Variants in ESR2 observed in about 807,000 individuals in gnomAD.
ESR2 encodes estrogen receptor 2.
ESR2 carries 36 observed loss-of-function variants against 49.6 expected under a neutral mutation model. The ratio of observed to expected loss-of-function variants is 0.73; its 90% CI spans 0.56 to 0.96. ESR2 has a LOEUF of 0.96. ESR2 is among the 40% of genes least tolerant of loss of function. The pLI, the probability that ESR2 is intolerant of heterozygous loss-of-function variation, is 0.00. For missense variants in ESR2, 714 were observed against 693.0 expected (o/e 1.03, Z -0.34); for synonymous variants, 320 against 266.1 (o/e 1.20, Z -1.97).
Position 64,230,551 on chromosome 14 carries a change from G to A in ESR2, c.*2586C>T, listed in dbSNP as rs1251113705. 3.3e-5 allele frequency among the ~76,000 whole-genome samples: 5 copies of A among 152,040 alleles called. No homozygotes were observed. The highest frequency in any genetic ancestry group is 3.3e-4 in the Admixed American group (5 of 15,262). ...TTTGCACTATTTTTAATGCAGTTGA[G>A]TCTTCAGATTTGTGACTAGGCTGAC... On this transcript the variant is annotated 3_prime_UTR_variant, in exon 9 of 9. Transcript: ENST00000341099.
chr14:64,267,008 G>A (rs1467226063), intron 4 of ESR2, among the ~76,000 whole-genome samples: 3 of 152,144 alleles, frequency 2.0e-5, no homozygotes, highest in Non-Finnish European at 4.4e-5. Flanking sequence ...AGCCTCCCAA[G>A]TAGCTGGGAC....
At chr14:64,290,235 C>A (rs1409216369) in intron 1 of ESR2, among the ~76,000 whole-genome samples, 1 of 152,054 alleles carries the variant, frequency 6.6e-6, no homozygotes, top group Non-Finnish European at 1.5e-5. Flanking sequence ...TCATGCCCAG[C>A]TGATTTTTAA....
chr14:64,278,853 G>A (rs1044916428), intron 3 of ESR2, among the ~76,000 whole-genome samples: 4 of 152,128 alleles, frequency 2.6e-5, no homozygotes, highest in African/African-American at 7.2e-5. Flanking sequence ...TTGGCCAAGG[G>A]CATTACAAAG....
In ESR2 at chr14:64,228,703, C is replaced by T. The variant is rs914255375; in HGVS notation, c.*4434G>A. 1.1e-4 allele frequency among the ~76,000 whole-genome samples: 16 copies of T among 152,176 alleles called. No homozygotes were observed. The highest frequency in any genetic ancestry group is 3.3e-4 in the Admixed American group (5 of 15,282). ...AACAGGAACTGTTCGCGGCTGGTAT[C>T]ACCACTCCTTATGTGCTTCCCATAG... On this transcript the variant is annotated 3_prime_UTR_variant, in exon 9 of 9. Transcript: ENST00000341099.
At chr14:64,251,388 G>T (rs1168985662) in intron 6 of ESR2, among the ~76,000 whole-genome samples, 6 of 144,800 alleles carry the variant, frequency 4.1e-5, no homozygotes, top group Non-Finnish European at 7.5e-5. Context: ...GCTGATGTGG[G>T]ATTATACACA....
intron 2 of ESR2, among the ~76,000 whole-genome samples, chr14:64,280,934 G>A (rs768952920): frequency 3.9e-5 from 6 of 152,148 alleles, no homozygotes; most frequent in Admixed American, 1.3e-4. Flanking sequence ...GCTTGAACCC[G>A]GGAGGCAGAG....
At position 64,289,751 on chromosome 14, in the gene ESR2, G is replaced by C. The variant is rs145153022; in HGVS notation, c.-91+4282C>G. 3.7e-3 allele frequency among the ~76,000 whole-genome samples: 566 copies of C among 152,242 alleles called. 7 individuals are homozygous for C. Among genetic ancestry groups the C allele is most frequent in the African/African-American group, 0.013 (531 of 41,542 alleles). On this transcript the variant is annotated intron_variant, in intron 1 of 8. Transcript: ENST00000341099. Reference sequence around the variant, plus strand: ...CATCACCCCTAGTCCAGATAGCTGGGCTGCTGGTAGCCTGCCAACACTGTG... The same window carrying C: ...CATCACCCCTAGTCCAGATAGCTGGCCTGCTGGTAGCCTGCCAACACTGTG...
chr14:64,311,163 C>G (rs1012554031), intron 1 of ESR2, among the ~76,000 whole-genome samples: 1 of 151,958 alleles, frequency 6.6e-6, no homozygotes, highest in Non-Finnish European at 1.5e-5. Flanking sequence ...AATTATGGAG[C>G]CCTAGTGACT....
At chr14:64,298,056 C>T (rs556423490), upstream of ESR2, among the ~76,000 whole-genome samples, 12 of 152,198 alleles carry the variant, frequency 7.9e-5, 1 homozygote, top group African/African-American at 2.6e-4. Context: ...GATAGGATTA[C>T]TAATTAATAT....
intron 2 of ESR2, among the ~76,000 whole-genome samples, chr14:64,282,236 T>C (rs2076686464): frequency 6.6e-6 from 1 of 152,138 alleles, no homozygotes; most frequent in South Asian, 2.1e-4. Context: ...TCCCAGCTAC[T>C]CGGGAGACTA....
chr14:64,323,259 G>A (rs538024406), intron 1 of ESR2, among the ~76,000 whole-genome samples: 1 of 152,290 alleles, frequency 6.6e-6, no homozygotes, highest in South Asian at 2.1e-4. Flanking sequence ...CCAGGCTGGA[G>A]TGCAGTGGTG....
chr14:64,330,305 T>G (rs1388565440), intron 1 of ESR2: 1 of 152,500 alleles, frequency 6.6e-6, no homozygotes, highest in African/African-American at 2.4e-5. Context: ...GGCACATGCC[T>G]GTAATCCCAG....
chr14:64,284,017 C>T (rs999579402), intron 1 of ESR2, among the ~76,000 whole-genome samples: 4 of 151,848 alleles, frequency 2.6e-5, no homozygotes, highest in Non-Finnish European at 5.9e-5. Context: ...CCTCCTGCCT[C>T]CCAGGTTCTA....
At chr14:64,233,392 G>A (rs534099412) in intron 8 of ESR2, 69 bp from the exon 9 acceptor site, 136 of 1,498,506 alleles carry the variant, frequency 9.1e-5, no homozygotes, top group African/African-American at 5.9e-4. Flanking sequence ...AGCCTTCCCC[G>A]GCTCTCTTTG....
At chr14:64,284,088 G>A (rs773337464) in intron 1 of ESR2, among the ~76,000 whole-genome samples, 20 of 151,788 alleles carry the variant, frequency 1.3e-4, no homozygotes, top group Non-Finnish European at 2.6e-4. Flanking sequence ...CACTGTGACT[G>A]GCTAATTTGT....
chr14:64,313,173 C>T (rs1458205404), intron 1 of ESR2, among the ~76,000 whole-genome samples: 1 of 152,010 alleles, frequency 6.6e-6, no homozygotes, highest in Non-Finnish European at 1.5e-5. Flanking sequence ...ACCAAGAAGA[C>T]ACAGTAATCT....
rs2098727071 is a variant in ESR2 at position 64,231,346 on chromosome 14, GCTGACCAGGA to G, written c.*1781_*1790del. On this transcript the variant is annotated 3_prime_UTR_variant, in exon 9 of 9. Coordinates refer to ENST00000341099, the MANE Select transcript of ESR2 (RefSeq NM_001437.3). ...CTCTATTGGGAGTGGGGGATTCTAG[GCTGACCAGGA>G]GGAAAGAAGCTGACACTAACACTGG... 6.6e-6 allele frequency: 1 copy of G among 152,074 alleles called. No homozygotes were observed. Among genetic ancestry groups the G allele is most frequent in the Non-Finnish European group, 1.5e-5 (1 of 68,030 alleles). 9.4% of individuals were successfully genotyped at this position (152,074 alleles called of 1,614,324 possible). A position where few individuals can be genotyped will look rare whatever the true frequency, so the allele number is the denominator to read the frequency against.
At chr14:64,316,376 T>G (rs2077255552) in intron 1 of ESR2, among the ~76,000 whole-genome samples, 1 of 152,156 alleles carries the variant, frequency 6.6e-6, no homozygotes, top group Non-Finnish European at 1.5e-5. Context: ...CACTGGAGAA[T>G]TCTATCAAAT....
intron 1 of ESR2, among the ~76,000 whole-genome samples, chr14:64,332,537 A>T (rs1453683306): frequency 6.6e-6 from 1 of 152,116 alleles, no homozygotes; most frequent in African/African-American, 2.4e-5. Context: ...ACGGTGGCTC[A>T]CGCCTGTAAT....
Sources: gnomAD v4.1 joint callset for allele counts (sites outside exome capture counted in the v4.1 genomes callset) on GRCh38, gnomAD v4.1.1 for gene constraint, MANE v1.5 for transcripts, NCBI Gene and HGNC (gene_info 2026-07-23, HGNC 2026-07-21) for gene names.